The following ACER3 variants were observed in gnomAD, a reference collection of about 807,000 sequenced individuals.
ACER3 encodes alkaline ceramidase 3.
A neutral mutation model predicts 48.9 loss-of-function variants in ACER3; 16 were observed. That is an observed-to-expected ratio of 0.33 (90% confidence interval 0.22 to 0.50). The LOEUF (loss-of-function observed/expected upper bound fraction) is 0.50. ACER3 is among the 20% of genes least tolerant of loss of function. ACER3 has a pLI of 0.98. For synonymous variants in ACER3, 109 were observed against 107.8 expected (o/e 1.01, Z -0.07); for missense variants, 227 against 326.0 (o/e 0.70, Z 2.34).
chr11:76,877,437 T>G (rs986813177), intron 1 of ACER3, among the ~76,000 whole-genome samples: 2 of 152,158 alleles, frequency 1.3e-5, no homozygotes, highest in Non-Finnish European at 2.9e-5. Context: ...TAAGGAGAGA[T>G]TCTAGATAAG....
At chr11:76,905,972 G>A (rs1429287188) in intron 1 of ACER3, among the ~76,000 whole-genome samples, 1 of 152,180 alleles carries the variant, frequency 6.6e-6, no homozygotes, top group Non-Finnish European at 1.5e-5. Flanking sequence ...CCAGACAGAT[G>A]GTTGACTTTT....
intron 4 of ACER3, among the ~76,000 whole-genome samples, chr11:76,983,607 A>T (rs1369657436): frequency 2.6e-5 from 4 of 151,966 alleles, no homozygotes; most frequent in African/African-American, 4.8e-5. Context: ...AAGCCACTGC[A>T]CTTGACCACA....
chr11:76,996,733 T>C (rs10899342), intron 6 of ACER3, among the ~76,000 whole-genome samples: 101,502 of 141,798 alleles, frequency 0.72, 36,877 homozygotes, highest in Non-Finnish European at 0.76. Flanking sequence ...TTTTTTTTTT[T>C]TTTTTTTTCT....
chr11:76,917,820 C>A (rs1946572670), intron 1 of ACER3, among the ~76,000 whole-genome samples: 1 of 147,668 alleles, frequency 6.8e-6, no homozygotes, highest in African/African-American at 2.5e-5. Flanking sequence ...ATGATTGTGC[C>A]ACTGAACTCA....
intron 2 of ACER3, among the ~76,000 whole-genome samples, chr11:76,945,220 G>A (rs1947442687): frequency 6.6e-6 from 1 of 151,774 alleles, no homozygotes; most frequent in Non-Finnish European, 1.5e-5. Flanking sequence ...ATTATTTTTG[G>A]TTGGGATCTG....
intron 3 of ACER3, among the ~76,000 whole-genome samples, chr11:76,963,498 GACC>G (rs1948054862): frequency 6.6e-6 from 1 of 151,260 alleles, no homozygotes. Context: ...CAGTGACCCT[GACC>G]TATTTCAATG....
intron 2 of ACER3, chr11:76,957,551 CT>C: frequency 2.4e-6 from 1 of 417,122 alleles, no homozygotes; most frequent in South Asian, 1.7e-5. Context: ...TTACGCGATC[CT>C]TCTGCCTCAG....
chr11:77,023,448 C>A lies in ACER3; in HGVS notation c.*3121C>A. 1 of 332,572 alleles carries A rather than the reference C, an allele frequency of 3.0e-6. No homozygotes were observed. 20.6% of individuals were successfully genotyped at this position (332,572 alleles called of 1,614,324 possible). A position where few individuals can be genotyped will look rare whatever the true frequency, so the allele number is the denominator to read the frequency against. ...CCAGCCAATTCTGAATTAGCCAATG[C>A]CCTAAAAGCATCTAACAATTTAAGG... On this transcript the variant is annotated 3_prime_UTR_variant, in exon 11 of 11. Coordinates refer to ENST00000532485, the MANE Select transcript of ACER3 (RefSeq NM_018367.7).
At chr11:76,956,663 A>G (rs946798183) in intron 2 of ACER3, among the ~76,000 whole-genome samples, 15 of 148,842 alleles carry the variant, frequency 1.0e-4, no homozygotes, top group Non-Finnish European at 1.8e-4. Flanking sequence ...TTCTACCAAG[A>G]TGAACAATCA....
intron 1 of ACER3, among the ~76,000 whole-genome samples, chr11:76,901,586 C>T (rs1344457906): frequency 2.0e-5 from 3 of 152,134 alleles, no homozygotes; most frequent in Admixed American, 1.3e-4. Context: ...CCAGGGGCAT[C>T]GGCAAGACTC....
intron 1 of ACER3, among the ~76,000 whole-genome samples, chr11:76,903,451 C>T (rs1448546113): frequency 1.9e-5 from 2 of 106,174 alleles, no homozygotes; most frequent in African/African-American, 3.4e-5. Flanking sequence ...TCCCACCCCC[C>T]CACCCGCCCC....
At chr11:76,964,989 G>C (rs1024989552) in intron 3 of ACER3, among the ~76,000 whole-genome samples, 3 of 151,256 alleles carry the variant, frequency 2.0e-5, no homozygotes, top group East Asian at 1.9e-4. Flanking sequence ...AGAGAAGAAG[G>C]CTTCAGAAGA....
At chr11:76,935,931 A>C (rs529823714) in intron 2 of ACER3, among the ~76,000 whole-genome samples, 2 of 152,302 alleles carry the variant, frequency 1.3e-5, no homozygotes, top group South Asian at 4.1e-4. Context: ...TCTACCAGCC[A>C]CACTGTACTA....
chr11:76,886,444 A>G (rs1945672957), intron 1 of ACER3, among the ~76,000 whole-genome samples: 2 of 152,370 alleles, frequency 1.3e-5, no homozygotes, highest in Admixed American at 1.3e-4. Context: ...TCAGTTCAGA[A>G]CAAGTCAGGT....
chr11:76,921,421 A>T (rs986223002), intron 1 of ACER3, among the ~76,000 whole-genome samples: 2 of 152,198 alleles, frequency 1.3e-5, no homozygotes, highest in African/African-American at 4.8e-5. Context: ...TGGGATCCAG[A>T]TTAATTTTTT....
At chr11:76,983,943 T>G (rs1948637696) in intron 4 of ACER3, among the ~76,000 whole-genome samples, 1 of 151,946 alleles carries the variant, frequency 6.6e-6, no homozygotes, top group African/African-American at 2.4e-5. Flanking sequence ...GGCATACACC[T>G]GCAACGACTA....
At chr11:76,950,396 TATATATATATATATAATTTACAC>T (rs1947625783) in intron 2 of ACER3, among the ~76,000 whole-genome samples, 1 of 31,224 alleles carries the variant, frequency 3.2e-5, no homozygotes, top group Non-Finnish European at 7.2e-5. Context: ...TATATATATA[TATATATATATATATAATTTACAC>T]ATGTAAGTGT....
chr11:77,011,705 A>G (rs1227908976), intron 7 of ACER3, among the ~76,000 whole-genome samples: 1 of 152,138 alleles, frequency 6.6e-6, no homozygotes, highest in Non-Finnish European at 1.5e-5. Context: ...CAATACTTAC[A>G]GTTAAGTAAA....
intron 1 of ACER3, among the ~76,000 whole-genome samples, chr11:76,924,981 A>AAAAAC (rs1946786202): frequency 6.6e-6 from 1 of 150,684 alleles, no homozygotes; most frequent in African/African-American, 2.4e-5. Context: ...GTCAAAAAAA[A>AAAAAC]AAAAAAAAAA....
Sources: allele counts gnomAD v4.1 joint callset (sites outside exome capture counted in the v4.1 genomes callset), GRCh38; gene constraint gnomAD v4.1.1; transcripts MANE v1.5; gene names NCBI Gene and HGNC (gene_info 2026-07-23, HGNC 2026-07-21).